The following C11orf65 variants were observed in gnomAD, a reference collection of about 807,000 sequenced individuals.
C11orf65 encodes the protein chromosome 11 open reading frame 65, also known as protein MFI.
C11orf65 carries 38 observed loss-of-function variants against 35.3 expected under a neutral mutation model. That is an observed-to-expected ratio of 1.08 (90% CI 0.83 to 1.41). The LOEUF (loss-of-function observed/expected upper bound fraction) is 1.41, where lower values mean the gene tolerates loss of function less well. Ranked by LOEUF, C11orf65 falls within the 40% of genes most tolerant of loss-of-function variation. The pLI is 0.00. For synonymous variants in C11orf65, 105 were observed against 114.4 expected (o/e 0.92, Z 0.53); for missense variants, 370 against 367.1 (o/e 1.01, Z -0.06).
intron 2 of C11orf65, chr11:108,353,664 AG>A: frequency 1.1e-6 from 1 of 903,970 alleles, no homozygotes; most frequent in Non-Finnish European, 1.8e-6. Flanking sequence ...CATAGAACGT[AG>A]GTAACATGTG....
chr11:108,324,661 A>G (rs1297111140), intron 6 of C11orf65, among the ~76,000 whole-genome samples: 1 of 152,314 alleles, frequency 6.6e-6, no homozygotes, highest in South Asian at 2.1e-4. Context: ...TCACTTTGTC[A>G]TCTTACTCTC....
intron 2 of C11orf65, among the ~76,000 whole-genome samples, chr11:108,437,614 G>C (rs2093081213): frequency 7.1e-6 from 1 of 141,414 alleles, no homozygotes; most frequent in South Asian, 2.4e-4. Flanking sequence ...TGAGGCAGGA[G>C]AATCGCTTGA....
intron 2 of C11orf65, chr11:108,355,486 G>C (rs1042466980): frequency 9.5e-5 from 15 of 157,194 alleles, no homozygotes; most frequent in African/African-American, 3.6e-4. Context: ...CAGTGTCTGT[G>C]CTGTTAGTAC....
intron 6 of C11orf65, among the ~76,000 whole-genome samples, chr11:108,321,601 G>A (rs1156914237): frequency 6.6e-6 from 1 of 152,104 alleles, no homozygotes; most frequent in Admixed American, 6.6e-5. Flanking sequence ...TGGCCAACAT[G>A]GTGAAACCCT....
chr11:108,360,273 G>A (rs536148537), intron 2 of C11orf65, among the ~76,000 whole-genome samples: 1 of 149,964 alleles, frequency 6.7e-6, no homozygotes, highest in African/African-American at 2.4e-5. Flanking sequence ...GAATAGACCA[G>A]TAACAGGAGC....
chr11:108,402,552 GTTT>G (rs1440337657), intron 6 of C11orf65, among the ~76,000 whole-genome samples: 1 of 102,420 alleles, frequency 9.8e-6, no homozygotes, highest in African/African-American at 3.9e-5. Flanking sequence ...TTCTGCACAG[GTTT>G]TTAATTTTTT....
At chr11:108,309,523 A>T (rs540716523) in intron 6 of C11orf65, among the ~76,000 whole-genome samples, 1 of 152,324 alleles carries the variant, frequency 6.6e-6, no homozygotes, top group South Asian at 2.1e-4. Flanking sequence ...AGTAGGCAAT[A>T]TAGCTAGATT....
chr11:108,404,098 A>G (rs2092493041), intron 6 of C11orf65, among the ~76,000 whole-genome samples: 1 of 152,108 alleles, frequency 6.6e-6, no homozygotes, highest in Non-Finnish European at 1.5e-5. Flanking sequence ...ATCCCTGACC[A>G]TCCAGTCAAA....
chr11:108,333,898 T>C lies in C11orf65; in HGVS notation c.299+1322A>G. 6.2e-7 allele frequency: 1 copy of C among 1,608,350 alleles called. No homozygotes were observed. Among genetic ancestry groups the C allele is most frequent in the East Asian group, 2.2e-5 (1 of 44,834 alleles). On this transcript the variant is annotated intron_variant, in intron 3 of 3. Coordinates refer to the C11orf65 transcript ENST00000524755. ...TTTTTAAATACAGAAGGCATAAATA[T>C]TCCAGCAGACCAGCCAATTACTAAA... is the stretch of plus-strand genomic sequence containing the variant.
chr11:108,412,028 G>A (rs1474178697), intron 3 of C11orf65, among the ~76,000 whole-genome samples: 1 of 151,812 alleles, frequency 6.6e-6, no homozygotes, highest in Non-Finnish European at 1.5e-5. Flanking sequence ...CACCCACCTC[G>A]GCCTCCCAAA....
At chr11:108,367,810 C>A (rs2091413144) in intron 2 of C11orf65, 1 of 211,086 alleles carries the variant, frequency 4.7e-6, no homozygotes, top group Non-Finnish European at 9.6e-6. Flanking sequence ...CTTTGCATTT[C>A]AAATTACAAA....
intron 6 of C11orf65, chr11:108,325,968 A>G (rs1251554241): frequency 2.0e-6 from 3 of 1,472,364 alleles, no homozygotes; most frequent in Non-Finnish European, 1.9e-6. Flanking sequence ...TCCTCAATGA[A>G]TGGTAGTTGC....
chr11:108,442,904 C>G (rs1225009556), intron 2 of C11orf65, among the ~76,000 whole-genome samples: 2 of 152,170 alleles, frequency 1.3e-5, no homozygotes, highest in Admixed American at 1.3e-4. Context: ...GAAGAAACAA[C>G]ATCAACTAAC....
chr11:108,409,863 G>A (rs993764249), intron 3 of C11orf65, among the ~76,000 whole-genome samples: 3 of 152,118 alleles, frequency 2.0e-5, no homozygotes, highest in South Asian at 2.1e-4. Context: ...GATGATCTGC[G>A]GTGGAACAGT....
At chr11:108,370,353 T>C (rs1049399428) in intron 2 of C11orf65, among the ~76,000 whole-genome samples, 15 of 152,058 alleles carry the variant, frequency 9.9e-5, no homozygotes, top group African/African-American at 3.1e-4. Context: ...TTTCTATATA[T>C]ATAGTCATAT....
rs1026322786 is a variant in C11orf65 at position 108,423,464 on chromosome 11, G to C, written c.174+8282C>G. 5.9e-5 allele frequency among the ~76,000 whole-genome samples: 9 copies of C among 152,276 alleles called. No individual in the cohort carries two copies. In the South Asian group the frequency reaches 1.9e-3, roughly 32 times the overall value. ...CCCCTCACAGAGCACCTGGGGGAAGGGGTGGCTGTGGGTGTAGCTTCAGCA... is the reference window on the plus strand; with the variant it reads ...CCCCTCACAGAGCACCTGGGGGAAGCGGTGGCTGTGGGTGTAGCTTCAGCA... On this transcript the variant is annotated intron_variant, in intron 3 of 8. Transcript: ENST00000393084.
chr11:108,353,660 A>C (rs944117581), intron 2 of C11orf65: 7 of 881,334 alleles, frequency 7.9e-6, no homozygotes, highest in African/African-American at 1.6e-5. Context: ...TGTTCATAGA[A>C]CGTAGGTAAC....
At chr11:108,428,333 A>G (rs1177222878) in intron 3 of C11orf65, among the ~76,000 whole-genome samples, 1 of 152,208 alleles carries the variant, frequency 6.6e-6, no homozygotes, top group Non-Finnish European at 1.5e-5. Flanking sequence ...AGGATTATAA[A>G]TCATTCTACT....
chr11:108,457,421 A>C lies in C11orf65; in HGVS notation c.81+4058T>G, dbSNP rs188340022. On this transcript the variant is annotated intron_variant, in intron 2 of 8. Coordinates refer to ENST00000393084, the MANE Select transcript of C11orf65 (RefSeq NM_152587.5). ...CACTTAGGGAGGGAGAGGTGGGTGG[A>C]TCACTAGGTCAGGAGTTCAAGATCA... Among the ~76,000 whole-genome samples the C allele has an allele frequency of 2.6e-3, 389 of 152,260 alleles. 1 individual carries two copies. Among genetic ancestry groups the C allele is most frequent in the Non-Finnish European group, 4.4e-3 (299 of 68,022 alleles).
Sources: allele counts gnomAD v4.1 joint callset (sites outside exome capture counted in the v4.1 genomes callset), GRCh38; gene constraint gnomAD v4.1.1; transcripts MANE v1.5; gene names NCBI Gene and HGNC (gene_info 2026-07-23, HGNC 2026-07-21).